The following ESR1 variants were observed in gnomAD, a reference collection of about 807,000 sequenced individuals.
ESR1 encodes estrogen receptor 1, also known as estrogen receptor.
ESR1 carries 12 observed loss-of-function variants against 52.7 expected under a neutral mutation model. The ratio of observed to expected loss-of-function variants is 0.23; its 90% CI spans 0.15 to 0.37. The LOEUF is 0.37. ESR1 is among the 10% of genes least tolerant of loss of function. The probability of loss-of-function intolerance (pLI) is 1.00; values close to 1 mark genes in which losing one functional copy is unlikely to be tolerated. For missense variants in ESR1, 584 were observed against 779.7 expected, an observed-to-expected ratio of 0.75 and a Z score of 2.99; for synonymous variants, 305 against 316.8, an observed-to-expected ratio of 0.96 and a Z score of 0.39.
intron 3 of ESR1, among the ~76,000 whole-genome samples, chr6:151,882,287 T>C (rs1793079965): frequency 6.6e-6 from 1 of 152,198 alleles, no homozygotes; most frequent in African/African-American, 2.4e-5. Context: ...GCATTTGGAA[T>C]AAATTCTCCT....
chr6:151,994,586 G>A (rs933985533), intron 4 of ESR1, among the ~76,000 whole-genome samples: 2 of 152,144 alleles, frequency 1.3e-5, no homozygotes, highest in Non-Finnish European at 2.9e-5. Context: ...ACCCGTGGGT[G>A]ACAAACCCTG....
chr6:151,985,958 C>T lies in ESR1; in HGVS notation c.1097-25698C>T, dbSNP rs547343517. Among the ~76,000 whole-genome samples, 281 of 152,280 alleles carry T rather than the reference C, an allele frequency of 1.8e-3. 3 individuals are homozygous for T. The highest frequency in any genetic ancestry group is 6.5e-3 in the African/African-American group (271 of 41,534). The stretch of plus-strand genomic sequence containing the variant: ...TGCTGGGATTACAGGTGTGAGCCAC[C>T]GTGCCTGCCCCAATTGTTACAGCTT... On this transcript the variant is annotated intron_variant, in intron 4 of 7. Transcript: ENST00000206249.
chr6:151,709,161 A>G (rs935808285), intron 2 of ESR1, among the ~76,000 whole-genome samples: 2 of 152,060 alleles, frequency 1.3e-5, no homozygotes, highest in African/African-American at 4.8e-5. Context: ...AGCCCCGGTA[A>G]CCACCATTCT....
chr6:152,122,742 T>A (rs2051730785), intron 6 of ESR1: 2 of 1,606,624 alleles, frequency 1.2e-6, no homozygotes, highest in South Asian at 2.2e-5. Flanking sequence ...GCTTTTTGCC[T>A]CTGCACCTTC....
intron 2 of ESR1, among the ~76,000 whole-genome samples, chr6:151,720,474 G>T (rs575762010): frequency 2.6e-5 from 4 of 152,094 alleles, no homozygotes; most frequent in Non-Finnish European, 5.9e-5. Context: ...CATTGCAAAA[G>T]TTCAAATAAG....
intron 6 of ESR1, among the ~76,000 whole-genome samples, chr6:152,071,742 A>G (rs765093343): frequency 2.0e-5 from 3 of 152,226 alleles, no homozygotes; most frequent in Non-Finnish European, 4.4e-5. Context: ...ATGATACAAC[A>G]TGATTTATTC....
chr6:151,753,197 A>G (rs974197756), intron 2 of ESR1, among the ~76,000 whole-genome samples: 3 of 152,208 alleles, frequency 2.0e-5, no homozygotes, highest in Non-Finnish European at 4.4e-5. Flanking sequence ...AGATCCTACA[A>G]ACTGTCACTA....
At chr6:151,927,311 A>G (rs1450957615) in intron 3 of ESR1, among the ~76,000 whole-genome samples, 1 of 152,126 alleles carries the variant, frequency 6.6e-6, no homozygotes, top group East Asian at 1.9e-4. Context: ...TTACTTTCTT[A>G]TAATATCTTT....
intron 2 of ESR1, among the ~76,000 whole-genome samples, chr6:151,761,041 C>T (rs918802165): frequency 6.6e-6 from 1 of 152,060 alleles, no homozygotes; most frequent in African/African-American, 2.4e-5. Context: ...ACATCGCTCT[C>T]TACTAGCATG....
intron 2 of ESR1, among the ~76,000 whole-genome samples, chr6:151,858,167 A>G (rs1309255764): frequency 2.6e-5 from 4 of 152,214 alleles, no homozygotes; most frequent in African/African-American, 4.8e-5. Flanking sequence ...CATGAGCCCA[A>G]GAGAAATTGT....
intron 2 of ESR1, among the ~76,000 whole-genome samples, chr6:151,850,440 GGA>G (rs139891345): frequency 1.3e-5 from 2 of 148,740 alleles, no homozygotes; most frequent in East Asian, 2.0e-4. Context: ...GAGAGAGGGA[GGA>G]GAGAGAGAGA....
intron 3 of ESR1, among the ~76,000 whole-genome samples, chr6:151,900,456 C>T (rs187308141): frequency 2.0e-5 from 3 of 152,234 alleles, no homozygotes; most frequent in African/African-American, 4.8e-5. Context: ...TCAGGGATTT[C>T]TTCTTGGCTT....
At chr6:151,793,630 G>A (rs982624917) in intron 2 of ESR1, among the ~76,000 whole-genome samples, 1 of 152,164 alleles carries the variant, frequency 6.6e-6, no homozygotes, top group African/African-American at 2.4e-5. Context: ...CATTAGGACA[G>A]CTACAATGTC....
intron 1 of ESR1, among the ~76,000 whole-genome samples, chr6:151,809,736 C>A (rs1778500137): frequency 6.6e-6 from 1 of 152,160 alleles, no homozygotes; most frequent in African/African-American, 2.4e-5. Context: ...CATCCCACAG[C>A]CACGCAGATC....
At chr6:152,051,467 A>G (rs757060941) in intron 5 of ESR1, among the ~76,000 whole-genome samples, 1 of 152,160 alleles carries the variant, frequency 6.6e-6, no homozygotes, top group Non-Finnish European at 1.5e-5. Flanking sequence ...TTAGACATCA[A>G]CAGAATTGAC....
intron 1 of ESR1, among the ~76,000 whole-genome samples, chr6:151,837,136 T>C (rs1005846154): frequency 6.6e-6 from 1 of 151,500 alleles, no homozygotes; most frequent in African/African-American, 2.4e-5. Context: ...TTTTTTTTTT[T>C]TTCACCCAGG....
intron 5 of ESR1, among the ~76,000 whole-genome samples, chr6:152,031,483 A>G (rs1013638011): frequency 1.3e-4 from 20 of 152,340 alleles, no homozygotes; most frequent in African/African-American, 4.1e-4. Flanking sequence ...CAGAAATACA[A>G]ACTACCATCA....
At chr6:152,042,171 G>A (rs1164778486) in intron 5 of ESR1, among the ~76,000 whole-genome samples, 1 of 152,082 alleles carries the variant, frequency 6.6e-6, no homozygotes, top group Non-Finnish European at 1.5e-5. Context: ...CTTCCATTTG[G>A]CCTTTCCCAC....
chr6:151,685,291 G>T (rs71575904), intron 1 of ESR1, among the ~76,000 whole-genome samples: 1 of 150,822 alleles, frequency 6.6e-6, no homozygotes, highest in East Asian at 2.0e-4. Flanking sequence ...CCGCCACCGC[G>T]CCCGGCTAAT....
Sources: allele counts gnomAD v4.1 joint callset (sites outside exome capture counted in the v4.1 genomes callset), GRCh38; gene constraint gnomAD v4.1.1; transcripts MANE v1.5; gene names NCBI Gene and HGNC (gene_info 2026-07-23, HGNC 2026-07-21).